The following FHIT variants were observed in gnomAD, a reference collection of about 807,000 sequenced individuals.
FHIT encodes fragile histidine triad diadenosine triphosphatase, also known as bis(5'-adenosyl)-triphosphatase.
Under a neutral mutation model 17.9 loss-of-function variants are expected in FHIT, and 19 were observed. That is an observed-to-expected ratio of 1.06 (90% confidence interval 0.74 to 1.56). The LOEUF (loss-of-function observed/expected upper bound fraction) is 1.56, where lower values mean the gene tolerates loss of function less well. FHIT is among the 40% of genes most tolerant of loss of function. The probability of loss-of-function intolerance (pLI) is 0.00; values close to 1 mark genes in which losing one functional copy is unlikely to be tolerated. For missense variants in FHIT, 248 were observed against 189.2 expected (o/e 1.31, Z -1.82); for synonymous variants, 81 against 69.7 (o/e 1.16, Z -0.81).
intron 3 of FHIT, among the ~76,000 whole-genome samples, chr3:61,029,182 C>T (rs1379932150): frequency 6.6e-6 from 1 of 152,088 alleles, no homozygotes; most frequent in Non-Finnish European, 1.5e-5. Context: ...ATAAATCAGG[C>T]AATATTACAT....
Position 60,437,637 on chromosome 3 carries a change from G to A in FHIT, c.103+99223C>T, listed in dbSNP as rs572869614. Among the ~76,000 whole-genome samples the A allele has an allele frequency of 7.9e-5, 12 of 152,112 alleles. No homozygotes were observed. In the South Asian group the frequency reaches 1.5e-3, roughly 18 times the overall value. On this transcript the variant is annotated intron_variant, in intron 5 of 9. Transcript: ENST00000492590. ...TAATCATTATATAGATTAGGTAAACGATACTCAGGTTGTGTTATTTATCTG... is the reference window on the plus strand; with the variant it reads ...TAATCATTATATAGATTAGGTAAACAATACTCAGGTTGTGTTATTTATCTG...
chr3:61,209,560 AT>A lies in FHIT; in HGVS notation c.-212-8896del, dbSNP rs201537036. 6.6e-3 allele frequency among the ~76,000 whole-genome samples: 991 copies of A among 149,714 alleles called. 26 individuals carry two copies. In the East Asian group the frequency reaches 0.078, roughly 12 times the overall value. ...TAAACTTCTCTTCTCGCTTCATTTC[AT>A]TCGTCTTCCATCATTGATACCCTTT... On this transcript the variant is annotated intron_variant, in intron 1 of 9. Coordinates refer to ENST00000492590, the MANE Select transcript of FHIT (RefSeq NM_002012.4).
At chr3:60,623,042 G>C (rs2039178994) in intron 4 of FHIT, among the ~76,000 whole-genome samples, 1 of 152,168 alleles carries the variant, frequency 6.6e-6, no homozygotes, top group African/African-American at 2.4e-5. Context: ...CTCCCACGAA[G>C]CCCATCTTTA....
At chr3:60,603,712 G>A (rs1553669746) in intron 4 of FHIT, among the ~76,000 whole-genome samples, 1 of 152,000 alleles carries the variant, frequency 6.6e-6, no homozygotes, top group Admixed American at 6.6e-5. Context: ...GTGCCTCTCT[G>A]GGTAAGGCAT....
At chr3:60,904,683 G>A (rs1553764074) in intron 3 of FHIT, among the ~76,000 whole-genome samples, 1 of 152,040 alleles carries the variant, frequency 6.6e-6, no homozygotes, top group Non-Finnish European at 1.5e-5. Flanking sequence ...GCTCACGCCT[G>A]TACTTCCTAG....
At chr3:61,196,867 A>G (rs985748279) in intron 2 of FHIT, among the ~76,000 whole-genome samples, 1 of 152,198 alleles carries the variant, frequency 6.6e-6, no homozygotes, top group African/African-American at 2.4e-5. Flanking sequence ...AGTAGGGAAG[A>G]ATATTTCAAC....
chr3:60,163,246 T>C (rs772949286), intron 5 of FHIT, among the ~76,000 whole-genome samples: 4 of 152,154 alleles, frequency 2.6e-5, no homozygotes, highest in Non-Finnish European at 1.5e-5. Flanking sequence ...AGCCCAGTTG[T>C]ATCTGCCTCC....
chr3:59,822,367 T>C (rs2629894), intron 8 of FHIT, among the ~76,000 whole-genome samples: 149,780 of 152,294 alleles, frequency 0.98, 73,712 homozygotes, highest in East Asian at 1. Flanking sequence ...TTTAAGGAAT[T>C]TCCACACTGT....
chr3:61,031,636 A>C (rs953295890), intron 3 of FHIT, among the ~76,000 whole-genome samples: 4 of 152,222 alleles, frequency 2.6e-5, no homozygotes, highest in African/African-American at 9.6e-5. Context: ...CCCAGAAACA[A>C]TGACACATTT....
intron 4 of FHIT, among the ~76,000 whole-genome samples, chr3:60,715,234 G>T (rs1422991897): frequency 1.3e-5 from 2 of 151,928 alleles, no homozygotes; most frequent in South Asian, 4.1e-4. Context: ...CTAGCCATAG[G>T]TAGAAAGCTG....
intron 2 of FHIT, among the ~76,000 whole-genome samples, chr3:61,192,079 C>G (rs1358729283): frequency 6.6e-6 from 1 of 152,116 alleles, no homozygotes; most frequent in Non-Finnish European, 1.5e-5. Flanking sequence ...CTGCCTGTAG[C>G]TCCCAAAAAG....
At chr3:59,844,019 C>T (rs1016728678) in intron 8 of FHIT, among the ~76,000 whole-genome samples, 2 of 152,062 alleles carry the variant, frequency 1.3e-5, no homozygotes, top group African/African-American at 4.8e-5. Context: ...CCACACCCTC[C>T]TTCTCTTTTG....
Position 60,239,345 on chromosome 3 carries a change from G to C in FHIT, c.104-225193C>G, listed in dbSNP as rs766002233. On this transcript the variant is annotated intron_variant, in intron 5 of 9. Coordinates refer to ENST00000492590, the MANE Select transcript of FHIT (RefSeq NM_002012.4). ...TTTGGAAGGCTAAGGTGGGAGGATTGGGTGAGCCCAGGAATTTGAGAGCAC... is the reference window on the plus strand; with the variant it reads ...TTTGGAAGGCTAAGGTGGGAGGATTCGGTGAGCCCAGGAATTTGAGAGCAC... Among the ~76,000 whole-genome samples, 90 of 152,080 alleles carry C rather than the reference G, an allele frequency of 5.9e-4. 1 individual carries two copies. Among genetic ancestry groups the C allele is most frequent in the Non-Finnish European group, 8.4e-4 (57 of 68,020 alleles).
At chr3:61,103,001 C>A (rs992594981) in intron 2 of FHIT, among the ~76,000 whole-genome samples, 17 of 152,104 alleles carry the variant, frequency 1.1e-4, no homozygotes, top group African/African-American at 3.9e-4. Context: ...TTTCAAAAAA[C>A]CAGCTCCTGG....
chr3:60,174,903 C>T (rs915019006), intron 5 of FHIT, among the ~76,000 whole-genome samples: 4 of 152,074 alleles, frequency 2.6e-5, no homozygotes, highest in Non-Finnish European at 5.9e-5. Context: ...CATATAAATG[C>T]AATCATACAT....
chr3:60,105,775 T>A (rs1222026019), intron 5 of FHIT, among the ~76,000 whole-genome samples: 3 of 152,024 alleles, frequency 2.0e-5, no homozygotes, highest in Non-Finnish European at 4.4e-5. Context: ...TGAAAGCCCA[T>A]CATGAAGTAT....
chr3:59,902,876 T>C (rs1704396370), intron 8 of FHIT, among the ~76,000 whole-genome samples: 1 of 152,350 alleles, frequency 6.6e-6, no homozygotes, highest in South Asian at 2.1e-4. Context: ...ATGTCTGGCA[T>C]GGTGACTAAG....
At chr3:60,122,982 G>A (rs1705327706) in intron 5 of FHIT, among the ~76,000 whole-genome samples, 2 of 152,158 alleles carry the variant, frequency 1.3e-5, no homozygotes, top group Admixed American at 1.3e-4. Context: ...GCAATCCTAT[G>A]CCTTGTAATG....
intron 1 of FHIT, among the ~76,000 whole-genome samples, chr3:61,243,349 C>G (rs559466765): frequency 7.2e-5 from 11 of 152,210 alleles, no homozygotes; most frequent in African/African-American, 2.6e-4. Flanking sequence ...CTTTTCAGTG[C>G]CCCAGGAGCA....
Sources: allele counts gnomAD v4.1 joint callset (sites outside exome capture counted in the v4.1 genomes callset), GRCh38; gene constraint gnomAD v4.1.1; transcripts MANE v1.5; gene names NCBI Gene and HGNC (gene_info 2026-07-23, HGNC 2026-07-21).